SGCZ: variants seen among roughly 807,000 people sequenced by gnomAD.
SGCZ encodes the protein zeta-sarcoglycan.
SGCZ carries 40 observed loss-of-function variants against 41.3 expected under a neutral mutation model. That is an observed-to-expected ratio of 0.97 (90% CI 0.75 to 1.26). SGCZ has a LOEUF of 1.26. Among genes scored for constraint, SGCZ ranks in the 50% most tolerant of loss-of-function variants. The pLI is 0.00. For synonymous variants in SGCZ, 206 were observed against 137.5 expected, an observed-to-expected ratio of 1.50 and a Z score of -3.49; for missense variants, 552 against 369.8, an observed-to-expected ratio of 1.49 and a Z score of -4.04.
At chr8:15,132,555 T>G (rs1250215719) in intron 1 of SGCZ, among the ~76,000 whole-genome samples, 1 of 152,186 alleles carries the variant, frequency 6.6e-6, no homozygotes, top group Non-Finnish European at 1.5e-5. Flanking sequence ...TTTAATCCAC[T>G]TATGCTAATT....
At chr8:14,842,131 C>T (rs551313683) in intron 1 of SGCZ, among the ~76,000 whole-genome samples, 1 of 152,206 alleles carries the variant, frequency 6.6e-6, no homozygotes, top group East Asian at 1.9e-4. Context: ...AAACATGAAA[C>T]TTTAGCCAGA....
intron 1 of SGCZ, among the ~76,000 whole-genome samples, chr8:15,156,863 T>G (rs1274140226): frequency 2.7e-5 from 4 of 150,770 alleles, no homozygotes; most frequent in African/African-American, 4.9e-5. Flanking sequence ...GAGATTCGCT[T>G]GAACCCAGGA....
chr8:14,492,991 C>G (rs906184689), intron 2 of SGCZ, among the ~76,000 whole-genome samples: 2 of 152,090 alleles, frequency 1.3e-5, no homozygotes, highest in African/African-American at 4.8e-5. Context: ...ATCTAACCCC[C>G]CAACTCTCTA....
At chr8:15,111,075 C>T (rs750048971) in intron 1 of SGCZ, among the ~76,000 whole-genome samples, 11 of 152,158 alleles carry the variant, frequency 7.2e-5, no homozygotes, top group Non-Finnish European at 1.5e-4. Flanking sequence ...AACCTAAGGC[C>T]AATTCACGCT....
Position 15,092,200 on chromosome 8 carries a change from T to A in SGCZ, c.39+145385A>T, listed in dbSNP as rs554416295. Among the ~76,000 whole-genome samples, 4 of 152,290 alleles carry A rather than the reference T, an allele frequency of 2.6e-5. No homozygotes were observed. In the South Asian group the frequency reaches 8.3e-4, roughly 32 times the overall value. ...CTCAGTGACTCTATAACCTTAGACA[T>A]GTCTTTTAATTCTCTAACCATTAGT... On this transcript the variant is annotated intron_variant, in intron 1 of 7. Transcript: ENST00000382080.
chr8:15,138,012 G>A (rs1280836317), intron 1 of SGCZ, among the ~76,000 whole-genome samples: 1 of 152,284 alleles, frequency 6.6e-6, no homozygotes, highest in Non-Finnish European at 1.5e-5. Context: ...GAGGGGGACT[G>A]TACCCTACAA....
chr8:14,595,548 C>A (rs1805384123), intron 1 of SGCZ, among the ~76,000 whole-genome samples: 1 of 152,120 alleles, frequency 6.6e-6, no homozygotes, highest in Non-Finnish European at 1.5e-5. Flanking sequence ...AGTTCCGTGG[C>A]TGCTGTCAGA....
At chr8:14,158,319 C>T (rs909101235) in intron 5 of SGCZ, among the ~76,000 whole-genome samples, 2 of 152,050 alleles carry the variant, frequency 1.3e-5, no homozygotes, top group African/African-American at 2.4e-5. Context: ...AATTTAGGCT[C>T]CTAATAAATT....
chr8:15,097,102 C>A (rs1806377022), intron 1 of SGCZ, among the ~76,000 whole-genome samples: 1 of 152,226 alleles, frequency 6.6e-6, no homozygotes, highest in East Asian at 1.9e-4. Context: ...AGACATGCAT[C>A]GCTGGGATCC....
intron 1 of SGCZ, among the ~76,000 whole-genome samples, chr8:15,045,679 AT>A (rs1373106868): frequency 6.6e-6 from 1 of 152,102 alleles, no homozygotes; most frequent in African/African-American, 2.4e-5. Context: ...ACTGATATGC[AT>A]CCCCGTGTTC....
intron 5 of SGCZ, among the ~76,000 whole-genome samples, chr8:14,127,998 C>T (rs946145587): frequency 2.0e-5 from 3 of 152,072 alleles, no homozygotes; most frequent in African/African-American, 7.2e-5. Flanking sequence ...ATTTAGCTCC[C>T]ACTTATAAGT....
chr8:15,216,001 T>C (rs1319186950), intron 1 of SGCZ, among the ~76,000 whole-genome samples: 1 of 152,104 alleles, frequency 6.6e-6, no homozygotes, highest in Non-Finnish European at 1.5e-5. Flanking sequence ...CAACAGTGTA[T>C]CTTTAATATT....
At chr8:14,289,724 T>C (rs746146985) in intron 3 of SGCZ, among the ~76,000 whole-genome samples, 3 of 151,854 alleles carry the variant, frequency 2.0e-5, no homozygotes, top group Non-Finnish European at 2.9e-5. Flanking sequence ...AGACAACCCC[T>C]TCAATAAATG....
intron 3 of SGCZ, among the ~76,000 whole-genome samples, chr8:14,303,156 A>T (rs528636571): frequency 6.6e-6 from 1 of 152,208 alleles, no homozygotes; most frequent in East Asian, 1.9e-4. Flanking sequence ...ACGTATATTA[A>T]ATTTCCAAAC....
chr8:14,434,144 A>T (rs10086432), intron 2 of SGCZ, among the ~76,000 whole-genome samples: 2,979 of 152,284 alleles, frequency 0.02, 59 homozygotes, highest in Middle Eastern at 0.037. Context: ...TGATTTTTGC[A>T]TAAGCTGAGA....
intron 1 of SGCZ, among the ~76,000 whole-genome samples, chr8:14,765,856 A>G (rs563939557): frequency 4.6e-5 from 7 of 152,334 alleles, no homozygotes; most frequent in Non-Finnish European, 8.8e-5. Context: ...AATAAAACAC[A>G]AACATTTAAA....
intron 1 of SGCZ, among the ~76,000 whole-genome samples, chr8:15,085,117 C>T (rs576321739): frequency 4.5e-4 from 68 of 152,220 alleles, no homozygotes; most frequent in African/African-American, 1.5e-3. Flanking sequence ...AAAATGAGGC[C>T]TCAGAGAGTT....
chr8:14,392,435 T>C (rs1393520190), intron 2 of SGCZ, among the ~76,000 whole-genome samples: 1 of 152,114 alleles, frequency 6.6e-6, no homozygotes, highest in East Asian at 1.9e-4. Context: ...TATGAATGAG[T>C]TTAAGGCTGG....
chr8:14,892,726 G>A (rs1309705955), intron 1 of SGCZ, among the ~76,000 whole-genome samples: 1 of 152,084 alleles, frequency 6.6e-6, no homozygotes, highest in Non-Finnish European at 1.5e-5. Context: ...CAGTATAATA[G>A]CAAATTAGGA....
Sources: allele counts gnomAD v4.1 joint callset (sites outside exome capture counted in the v4.1 genomes callset), GRCh38; gene constraint gnomAD v4.1.1; transcripts MANE v1.5; gene names NCBI Gene and HGNC (gene_info 2026-07-23, HGNC 2026-07-21).